Variants in LRRC49 observed in about 807,000 individuals in gnomAD.
LRRC49 encodes the protein leucine rich repeat containing 49, also known as leucine-rich repeat-containing protein 49.
A neutral mutation model predicts 83.3 loss-of-function variants in LRRC49; 50 were observed. The observed-to-expected ratio is 0.60, with a 90% CI of 0.48 to 0.76. LRRC49 has a LOEUF of 0.76. Among genes scored for constraint, LRRC49 ranks in the 30% least tolerant of loss-of-function variants. The pLI is 0.00. For missense variants in LRRC49, 704 were observed against 809.1 expected (o/e 0.87, Z 1.58); for synonymous variants, 286 against 283.3 (o/e 1.01, Z -0.10).
intron 1 of LRRC49, among the ~76,000 whole-genome samples, chr15:70,860,394 T>TCAAA (rs945480080): frequency 1.3e-5 from 2 of 152,214 alleles, no homozygotes; most frequent in African/African-American, 2.4e-5. Flanking sequence ...CTACCAACTG[T>TCAAA]CAAACAAACA....
intron 11 of LRRC49, among the ~76,000 whole-genome samples, chr15:71,006,090 G>T (rs765888532): frequency 6.6e-6 from 1 of 152,130 alleles, no homozygotes; most frequent in African/African-American, 2.4e-5. Flanking sequence ...GAGACTTGCC[G>T]TTTGTTTTTA....
intron 8 of LRRC49, among the ~76,000 whole-genome samples, chr15:70,957,554 A>C (rs1345469074): frequency 6.6e-6 from 1 of 152,112 alleles, no homozygotes; most frequent in East Asian, 1.9e-4. Context: ...TCATTCACCG[A>C]AACTTTATTG....
At chr15:70,980,956 T>C (rs1347620012) in intron 10 of LRRC49, among the ~76,000 whole-genome samples, 1 of 152,098 alleles carries the variant, frequency 6.6e-6, no homozygotes, top group Admixed American at 6.6e-5. Flanking sequence ...CTTGGGAGGC[T>C]AAGGTAGAGG....
intron 14 of LRRC49, among the ~76,000 whole-genome samples, chr15:71,016,078 A>C (rs1214205070): frequency 6.6e-6 from 1 of 152,204 alleles, no homozygotes; most frequent in Non-Finnish European, 1.5e-5. Context: ...CAATTTAAAA[A>C]TATTTGATTT....
At chr15:70,968,042 G>T (rs1391263159) in intron 9 of LRRC49, among the ~76,000 whole-genome samples, 1 of 151,890 alleles carries the variant, frequency 6.6e-6, no homozygotes, top group Non-Finnish European at 1.5e-5. Context: ...AGAATGTGCA[G>T]GTTTGTTACA....
At chr15:70,992,696 C>T (rs944533591) in intron 11 of LRRC49, among the ~76,000 whole-genome samples, 3 of 152,170 alleles carry the variant, frequency 2.0e-5, no homozygotes, top group African/African-American at 7.2e-5. Flanking sequence ...TGCAGAACAG[C>T]GAATATTGCT....
At chr15:70,916,789 T>C (rs1166280682) in intron 6 of LRRC49, among the ~76,000 whole-genome samples, 1 of 152,160 alleles carries the variant, frequency 6.6e-6, no homozygotes, top group Admixed American at 6.5e-5. Flanking sequence ...AAGTCACGGC[T>C]GCAGACCTGG....
At chr15:71,003,309 G>C (rs1416582000) in intron 11 of LRRC49, among the ~76,000 whole-genome samples, 2 of 152,134 alleles carry the variant, frequency 1.3e-5, no homozygotes, top group African/African-American at 4.8e-5. Flanking sequence ...TAAAAATCTT[G>C]AAGAGAATTC....
At position 70,962,024 on chromosome 15, in the gene LRRC49, G is replaced by A. The variant is rs952479763; in HGVS notation, c.774-1761G>A. Among the ~76,000 whole-genome samples the A allele has an allele frequency of 5.3e-5, 8 of 152,106 alleles. No individual in the cohort carries two copies. The South Asian group carries it at 6.2e-4, about 12-fold the overall frequency. ...AAAAGGCACTGATCTAAGAAACTTCGGAAATGAGCCTGTAAGACTAAATGG... is the reference window on the plus strand; with the variant it reads ...AAAAGGCACTGATCTAAGAAACTTCAGAAATGAGCCTGTAAGACTAAATGG... On this transcript the variant is annotated intron_variant, in intron 8 of 15. Transcript: ENST00000260382.
chr15:70,905,835 C>T (rs2034283459), intron 5 of LRRC49, among the ~76,000 whole-genome samples: 2 of 152,016 alleles, frequency 1.3e-5, no homozygotes, highest in African/African-American at 2.4e-5. Context: ...CTTCCATGAG[C>T]GTCATAAGAC....
intron 14 of LRRC49, among the ~76,000 whole-genome samples, chr15:71,027,388 C>A (rs1049059471): frequency 6.6e-6 from 1 of 152,150 alleles, no homozygotes; most frequent in Non-Finnish European, 1.5e-5. Context: ...ATGCCTCCAG[C>A]TTTGTTCTTT....
rs769818390 is a variant in LRRC49, at chr15:70,904,539, AC to A, written c.297-12del. The stretch of plus-strand genomic sequence containing the variant: ...GAATCATAACCTAATTAACTTTTTA[AC>A]ATTTTTTCTAGACAAAAGCTGACCG... On this transcript the variant is annotated splice_polypyrimidine_tract_variant and intron_variant, in intron 4 of 15. Transcript: ENST00000260382. 6.3e-7 allele frequency: 1 copy of A among 1,592,264 alleles called. No individual in the cohort carries two copies. Among genetic ancestry groups the A allele is most frequent in the Non-Finnish European group, 8.6e-7 (1 of 1,162,206 alleles).
chr15:70,940,712 A>T (rs1238309638), intron 8 of LRRC49, among the ~76,000 whole-genome samples: 1 of 152,124 alleles, frequency 6.6e-6, no homozygotes, highest in Non-Finnish European at 1.5e-5. Flanking sequence ...GAATGCCTTT[A>T]CTTTTCCTTT....
At chr15:70,999,852 C>G (rs1168004297) in intron 11 of LRRC49, among the ~76,000 whole-genome samples, 1 of 152,148 alleles carries the variant, frequency 6.6e-6, no homozygotes, top group East Asian at 1.9e-4. Context: ...TTGCCTTTAA[C>G]TACTTTCAAC....
intron 14 of LRRC49, among the ~76,000 whole-genome samples, chr15:71,028,466 A>C (rs528231638): frequency 6.6e-5 from 10 of 152,104 alleles, no homozygotes; most frequent in African/African-American, 2.4e-4. Flanking sequence ...TCATAAAATG[A>C]GTTAGGGAGG....
intron 1 of LRRC49, among the ~76,000 whole-genome samples, chr15:70,866,684 T>A (rs962294308): frequency 2.0e-5 from 3 of 152,034 alleles, no homozygotes; most frequent in Non-Finnish European, 4.4e-5. Context: ...GGTAGAAAAA[T>A]ATCTGGGAAT....
chr15:70,875,500 C>T (rs1011162216), intron 2 of LRRC49, among the ~76,000 whole-genome samples: 2 of 152,096 alleles, frequency 1.3e-5, no homozygotes, highest in African/African-American at 4.8e-5. Flanking sequence ...GATGAGGGAA[C>T]GGCCCAAAAA....
At chr15:70,940,607 T>C (rs375725185) in intron 8 of LRRC49, among the ~76,000 whole-genome samples, 1 of 152,228 alleles carries the variant, frequency 6.6e-6, no homozygotes, top group East Asian at 1.9e-4. Flanking sequence ...TACAAGGTTT[T>C]ATTCTTGTGC....
chr15:70,872,282 GCA>G (rs1204798312), intron 1 of LRRC49, among the ~76,000 whole-genome samples: 1 of 152,214 alleles, frequency 6.6e-6, no homozygotes, highest in African/African-American at 2.4e-5. Context: ...GCAATCCCAG[GCA>G]CTGGGCAGGC....
Sources: gnomAD v4.1 joint callset for allele counts (sites outside exome capture counted in the v4.1 genomes callset) on GRCh38, gnomAD v4.1.1 for gene constraint, MANE v1.5 for transcripts, NCBI Gene and HGNC (gene_info 2026-07-23, HGNC 2026-07-21) for gene names.